Variants in SERINC4 observed in about 807,000 individuals in gnomAD.
The protein encoded by SERINC4 is serine incorporator 4.
Under a neutral mutation model 52.0 loss-of-function variants are expected in SERINC4, and 52 were observed. The ratio of observed to expected loss-of-function variants is 1.00; its 90% confidence interval spans 0.80 to 1.26. SERINC4 has a LOEUF of 1.26. SERINC4 is among the 50% of genes most tolerant of loss of function. The pLI is 0.00. For synonymous variants in SERINC4, 264 were observed against 247.7 expected (o/e 1.07, Z -0.62); for missense variants, 723 against 632.8 (o/e 1.14, Z -1.53).
At chr15:43,798,922 CCT>C in intron 3 of SERINC4, 35 bp downstream of exon 3, 12 of 1,546,574 alleles carry the variant, frequency 7.8e-6, no homozygotes, top group Non-Finnish European at 1.0e-5. Context: ...TACTTTCCCT[CCT>C]CTGTCCCCTC....
intron 8 of SERINC4, 105 bp from the exon 9 acceptor site, chr15:43,796,332 C>A: frequency 1.2e-6 from 1 of 857,122 alleles, no homozygotes. Flanking sequence ...GGGTACCATA[C>A]TCCCTGTGCC....
intron 3 of SERINC4, 96 bp from the exon 4 acceptor site, chr15:43,798,600 T>TAC: frequency 2.3e-6 from 2 of 888,266 alleles, no homozygotes; most frequent in Non-Finnish European, 3.7e-6. Context: ...ACCAAAAATA[T>TAC]AGGAAAGAGG....
chr15:43,796,230 G>A lies in SERINC4; in HGVS notation c.1068-3C>T. On this transcript the variant is annotated splice_polypyrimidine_tract_variant and splice_region_variant and intron_variant, in intron 8 of 11. Transcript: ENST00000319327. ...CAGCCAGGTAGGAGGCCTCATTGCT[G>A]AGAAAGAATAGAGTTCTTAAGCTGG... The A allele has an allele frequency of 6.2e-7, 1 of 1,611,488 alleles. No homozygotes were observed. The highest frequency in any genetic ancestry group is 8.5e-7 in the Non-Finnish European group (1 of 1,177,626).
chr15:43,798,809 A>C (rs1298697383), intron 3 of SERINC4, 150 bp downstream of exon 3: 1 of 793,000 alleles, frequency 1.3e-6, no homozygotes, highest in Admixed American at 2.4e-5. Context: ...GTCTGGCTCA[A>C]GGTTACACAG....
intron 9 of SERINC4, 79 bp from the exon 10 acceptor site, chr15:43,795,815 G>C: frequency 6.8e-7 from 1 of 1,475,388 alleles, no homozygotes; most frequent in African/African-American, 1.4e-5. Flanking sequence ...CCCGTGAAAA[G>C]ATTGGTCTAG....
rs1309566110 is a variant in SERINC4 at position 43,794,758 on chromosome 15, G to A, written c.*242C>T. 1.5e-5 allele frequency: 7 copies of A among 472,818 alleles called. No individual in the cohort carries two copies. The highest frequency in any genetic ancestry group is 3.8e-5 in the African/African-American group (2 of 52,034). The allele number at this position is 472,818 out of a possible 1,614,324, so 29.3% of individuals were successfully genotyped here. ...GGGATCAGCGGTGGTTCTTTGAGCT[G>A]CTGATTTGGGTGTTAGGCTCTTGAG... On this transcript the variant is annotated 3_prime_UTR_variant, in exon 12 of 12. Coordinates refer to ENST00000319327, the MANE Select transcript of SERINC4 (RefSeq NM_001258031.2).
In SERINC4 at chr15:43,796,220, C is replaced by T; in HGVS notation, c.1075G>A (p.Ala359Thr). 6.2e-7 allele frequency: 1 copy of T among 1,613,136 alleles called. No homozygotes were observed. Among genetic ancestry groups the T allele is most frequent in the African/African-American group, 1.3e-5 (1 of 74,980 alleles). The part of the protein sequence containing the change: ...YACVLFACNE[A>T]SYLAEVFGPL... ...CCAAATACCTCAGCCAGGTAGGAGG[C>T]CTCATTGCTGAGAAAGAATAGAGTT... The change falls in exon 9 of 12, where the codon GCC becomes ACC. Residue 359 changes from alanine (A) to threonine (T), a missense_variant. Physicochemically the swap from Ala to Thr is moderately conservative, Grantham distance 58. Coordinates refer to ENST00000319327, the MANE Select transcript of SERINC4 (RefSeq NM_001258031.2).
rs2087170231 is a variant in SERINC4, at chr15:43,795,010, G to A, written c.1547C>T (p.Pro516Leu). The A allele has an allele frequency of 1.2e-6, 2 of 1,610,840 alleles. No individual in the cohort carries two copies. The highest frequency in any genetic ancestry group is 2.7e-5 in the African/African-American group (2 of 74,926). ...HRIISPDNKY[P>L]PV ...GTTTGTGAAAAGGACTTAGACTGGA[G>A]GATATTTGTTATCTGGGGATATGAT... The change falls in exon 12 of 12, where the codon CCT (proline) becomes CTT (leucine). Residue 516 changes from proline to leucine, a missense_variant. Transcript: ENST00000319327.
In SERINC4 at chr15:43,795,755, G is replaced by T; in HGVS notation, c.1141-19C>A. 6.2e-7 allele frequency: 1 copy of T among 1,612,628 alleles called. No homozygotes were observed. The highest frequency in any genetic ancestry group is 1.1e-5 in the South Asian group (1 of 90,958). ...AGGGCTTCTGCAAAACAGAACGCAGGTTTTGGAATGGTCTTAAAAGATGTG... is the reference window on the plus strand; with the variant it reads ...AGGGCTTCTGCAAAACAGAACGCAGTTTTTGGAATGGTCTTAAAAGATGTG... On this transcript the variant is annotated intron_variant, in intron 9 of 11. Coordinates refer to ENST00000319327, the MANE Select transcript of SERINC4 (RefSeq NM_001258031.2).
rs1194237192 is a variant in SERINC4 at position 43,797,143 on chromosome 15, A to G, written c.844+2T>C. The stretch of plus-strand genomic sequence containing the variant: ...CTGGAATGCTGTAGGACATGTACCC[A>G]CTGAGGCGGATGCAAGGAGCGATGG... On this transcript the variant is annotated splice_donor_variant, in intron 6 of 11. Transcript: ENST00000319327. LOFTEE classifies it high-confidence loss of function. The G allele has an allele frequency of 1.3e-6, 2 of 1,550,896 alleles. No individual in the cohort carries two copies. Among genetic ancestry groups the G allele is most frequent in the South Asian group, 1.2e-5 (1 of 84,118 alleles).
intron 7 of SERINC4, 24 bp from the exon 8 acceptor site, chr15:43,796,766 T>G: frequency 6.2e-7 from 1 of 1,614,052 alleles, no homozygotes; most frequent in Non-Finnish European, 8.5e-7. Context: ...ACAGAAGAGA[T>G]GGGTATTAAC....
Position 43,795,472 on chromosome 15 carries a change from T to C in SERINC4, c.1259A>G (p.His420Arg). The change falls in exon 11 of 12, where the codon CAT becomes CGT. Residue 420 changes from histidine (H) to arginine (R), a missense_variant. Physicochemically the swap from His to Arg is conservative, Grantham distance 29 (BLOSUM62 0). Coordinates refer to ENST00000319327, the MANE Select transcript of SERINC4 (RefSeq NM_001258031.2). ...TPPAPPVQVQ[H>R]LSYNYSAFHF... ...GAAGGCAGAATAGTTGTAGGAAAGA[T>C]GCTGGACTTGGACTGGAGGAGCTGG... The C allele has an allele frequency of 6.2e-7, 1 of 1,614,158 alleles. No homozygotes were observed. The highest frequency in any genetic ancestry group is 8.5e-7 in the Non-Finnish European group (1 of 1,180,032).
At chr15:43,797,011 T>A in intron 6 of SERINC4, 71 bp from the exon 7 acceptor site, 3 of 1,477,304 alleles carry the variant, frequency 2.0e-6, no homozygotes, top group Non-Finnish European at 2.8e-6. Context: ...CACTTGTACT[T>A]CTGTCTCCCC....
chr15:43,794,736 A>T lies in SERINC4; in HGVS notation c.*264T>A. ...GGCTGGTGCCACACTGTCTGCTGGG[A>T]TCAGCGGTGGTTCTTTGAGCTGCTG... On this transcript the variant is annotated 3_prime_UTR_variant, in exon 12 of 12. Coordinates refer to ENST00000319327, the MANE Select transcript of SERINC4 (RefSeq NM_001258031.2). 1 of 423,716 alleles carries T rather than the reference A, an allele frequency of 2.4e-6. No individual in the cohort carries two copies. The highest frequency in any genetic ancestry group is 3.9e-5 in the East Asian group (1 of 25,558). 26.2% of individuals were successfully genotyped at this position (423,716 alleles called of 1,614,324 possible).
At position 43,798,485 on chromosome 15, in the gene SERINC4, G is replaced by T. The variant is rs1160217771; in HGVS notation, c.478C>A (p.Leu160Met). 2 of 1,613,656 alleles carry T rather than the reference G, an allele frequency of 1.2e-6. No homozygotes were observed. The highest frequency in any genetic ancestry group is 1.3e-5 in the African/African-American group (1 of 75,044). Residue 160 changes from leucine to methionine, a missense_variant, in exon 4 of 12, where the codon CTG becomes ATG. Coordinates refer to ENST00000319327, the MANE Select transcript of SERINC4 (RefSeq NM_001258031.2). Reference sequence around the variant, plus strand: ...ATAGCACAGAGACCTAACAGGAACAGCAGCTTGAGGAGCCAGAAGCTGGTT... The same window carrying T: ...ATAGCACAGAGACCTAACAGGAACATCAGCTTGAGGAGCCAGAAGCTGGTT... ...LHNSFWLLKL[L>M]FLLGLCAIAF...
In SERINC4 at chr15:43,796,644, T is replaced by TGCTA. The variant is rs1555458607; in HGVS notation, c.1035_1038dup (p.Ile347Ter). ...GCAAAAAGCACACAAGCATACATGA[T>TGCTA]GCTAGCACTCAGCATTGCTAGAGAG... is the stretch of plus-strand genomic sequence containing the variant. On this transcript the variant is annotated stop_gained and frameshift_variant, in exon 8 of 12. Coordinates refer to ENST00000319327, the MANE Select transcript of SERINC4 (RefSeq NM_001258031.2). LOFTEE classifies it high-confidence loss of function. 20 of 1,614,074 alleles carry TGCTA rather than the reference T, an allele frequency of 1.2e-5. No individual in the cohort carries two copies. Among genetic ancestry groups the TGCTA allele is most frequent in the Non-Finnish European group, 1.6e-5 (19 of 1,179,960 alleles).
chr15:43,794,307 T>C lies in SERINC4; in HGVS notation c.*693A>G, dbSNP rs1405839084. On this transcript the variant is annotated 3_prime_UTR_variant, in exon 12 of 12. Coordinates refer to ENST00000319327, the MANE Select transcript of SERINC4 (RefSeq NM_001258031.2). ...CCACCCTTGAACACCATCTCTAGGA[T>C]GGAGTTGGCCTAAGAGTGAATGCTG... 3 of 253,310 alleles carry C rather than the reference T, an allele frequency of 1.2e-5. No individual in the cohort carries two copies. The highest frequency in any genetic ancestry group is 2.3e-5 in the Non-Finnish European group (3 of 131,778). 15.7% of individuals were successfully genotyped at this position (253,310 alleles called of 1,614,324 possible).
rs1208533125 is a variant in SERINC4, at chr15:43,796,322, G to T, written c.1068-95C>A. 1.2e-5 allele frequency: 11 copies of T among 953,600 alleles called. No homozygotes were observed. In the South Asian group the frequency reaches 1.5e-4, roughly 13 times the overall value. 59.1% of individuals were successfully genotyped at this position (953,600 alleles called of 1,614,324 possible). Reference sequence around the variant, plus strand: ...TGGTCCATACTGGTAATCCTCAAAAGGGTACCATACTCCCTGTGCCCTTTT... The same window carrying T: ...TGGTCCATACTGGTAATCCTCAAAATGGTACCATACTCCCTGTGCCCTTTT... On this transcript the variant is annotated intron_variant, in intron 8 of 11. Transcript: ENST00000319327.
intron 3 of SERINC4, chr15:43,798,732 T>C: frequency 1.6e-6 from 1 of 626,590 alleles, no homozygotes; most frequent in Non-Finnish European, 2.8e-6. Context: ...TGTTTTACAG[T>C]TTATAAAGGA....
Sources: allele counts gnomAD v4.1 joint callset, GRCh38; gene constraint gnomAD v4.1.1; transcripts MANE v1.5; gene names NCBI Gene and HGNC (gene_info 2026-07-23, HGNC 2026-07-21).